The following CEP97 variants were observed in gnomAD, a reference collection of about 807,000 sequenced individuals.
CEP97 encodes the protein centrosomal protein of 97 kDa.
Under a neutral mutation model 73.1 loss-of-function variants are expected in CEP97, and 43 were observed. The ratio of observed to expected loss-of-function variants is 0.59; its 90% CI spans 0.46 to 0.76. CEP97 has a LOEUF of 0.76. Ranked by LOEUF, CEP97 falls within the 30% of genes least tolerant of loss-of-function variation. The probability of loss-of-function intolerance (pLI) is 0.00; values close to 1 mark genes in which losing one functional copy is unlikely to be tolerated. For synonymous variants in CEP97, 337 were observed against 370.0 expected, an observed-to-expected ratio of 0.91 and a Z score of 1.02; for missense variants, 939 against 1,014.0, an observed-to-expected ratio of 0.93 and a Z score of 1.00.
At chr3:101,742,144 G>A (rs1013867106) in intron 6 of CEP97, among the ~76,000 whole-genome samples, 1 of 152,112 alleles carries the variant, frequency 6.6e-6, no homozygotes, top group Admixed American at 6.6e-5. Flanking sequence ...GTTGGTGGGA[G>A]TGTAAGTTCA....
At chr3:101,745,618 T>A (rs1158417117) in intron 6 of CEP97, among the ~76,000 whole-genome samples, 2 of 151,934 alleles carry the variant, frequency 1.3e-5, no homozygotes, top group African/African-American at 4.8e-5. Context: ...AAAGTTAGAA[T>A]AACATAATGA....
rs1056574036 is a variant in CEP97 at position 101,766,860 on chromosome 3, C to T, written c.*1309C>T. 1 of 152,164 alleles carries T rather than the reference C, an allele frequency of 6.6e-6. No homozygotes were observed. Among genetic ancestry groups the T allele is most frequent in the South Asian group, 2.1e-4 (1 of 4,828 alleles). The allele number at this position is 152,164 out of a possible 1,614,324, so 9.4% of individuals were successfully genotyped here. ...TTATTCTGTTGTAGTCATTAGGTGCCCTTCTCTGAAGTTATGTAAAATAAA... is the reference window on the plus strand; with the variant it reads ...TTATTCTGTTGTAGTCATTAGGTGCTCTTCTCTGAAGTTATGTAAAATAAA... On this transcript the variant is annotated 3_prime_UTR_variant, in exon 11 of 11. Transcript: ENST00000341893.
At chr3:101,727,318 C>T in intron 2 of CEP97, 65 bp from the exon 3 acceptor site, 1 of 1,357,628 alleles carries the variant, frequency 7.4e-7, no homozygotes, top group Non-Finnish European at 1.0e-6. Flanking sequence ...CCTTTTAAAT[C>T]ACTTTAATGT....
Position 101,765,168 on chromosome 3 carries a change from ACAGT to A in CEP97, c.2219_2222del (p.Val740AspfsTer8), listed in dbSNP as rs780081370. The stretch of plus-strand genomic sequence containing the variant: ...CTCCATAATGGGGAATTCCATTGAC[ACAGT>A]CAGATATGGCAAAGAATCAGATTTA... On this transcript the variant is annotated frameshift_variant, in exon 11 of 11. Coordinates refer to ENST00000341893, the MANE Select transcript of CEP97 (RefSeq NM_024548.4). LOFTEE classifies it low-confidence loss of function (END_TRUNC). 8 of 1,614,126 alleles carry A rather than the reference ACAGT, an allele frequency of 5.0e-6. No homozygotes were observed. The highest frequency in any genetic ancestry group is 6.8e-6 in the Non-Finnish European group (8 of 1,180,048).
Position 101,758,001 on chromosome 3 carries a change from A to G in CEP97, c.1395A>G (p.Gln465=), listed in dbSNP as rs200288843. The change falls in exon 9 of 11, where the codon CAA becomes CAG. Residue 465 remains glutamine, a synonymous_variant. Transcript: ENST00000341893. ...GGGCTGCAAATGAGAATTCTGTTCAAATGATGAGAAGTGAAATCAATACAG... is the reference window on the plus strand; with the variant it reads ...GGGCTGCAAATGAGAATTCTGTTCAGATGATGAGAAGTGAAATCAATACAG... ...PLWAANENSV[Q]MMRSEINTEV... 2.5e-6 allele frequency: 4 copies of G among 1,614,124 alleles called. No homozygotes were observed. Among genetic ancestry groups the G allele is most frequent in the Non-Finnish European group, 3.4e-6 (4 of 1,180,044 alleles).
At position 101,732,543 on chromosome 3, in the gene CEP97, C is replaced by T. The variant is rs1938145859; in HGVS notation, c.617C>T (p.Pro206Leu). 1 of 1,613,682 alleles carries T rather than the reference C, an allele frequency of 6.2e-7. No homozygotes were observed. The highest frequency in any genetic ancestry group is 8.5e-7 in the Non-Finnish European group (1 of 1,179,632). Reference protein sequence around the residue: ...ELEQLSIMNNPCVMATPSIPG... With the variant: ...ELEQLSIMNNLCVMATPSIPG... ...GAACAGTTGTCGATTATGAACAATC[C>T]TTGTGTGATGGCAACACCATCCATC... Residue 206 changes from proline (P) to leucine (L), a missense_variant, in exon 6 of 11, where the codon CCT becomes CTT. By Grantham distance (98) the Pro-to-Leu change is moderately conservative. Coordinates refer to ENST00000341893, the MANE Select transcript of CEP97 (RefSeq NM_024548.4).
chr3:101,732,653 A>G lies in CEP97; in HGVS notation c.727A>G (p.Ser243Gly). The G allele has an allele frequency of 6.2e-7, 1 of 1,603,166 alleles. No individual in the cohort carries two copies. Among genetic ancestry groups the G allele is most frequent in the Non-Finnish European group, 8.5e-7 (1 of 1,172,038 alleles). Residue 243 changes from serine (S) to glycine (G), a missense_variant and splice_region_variant, in exon 6 of 11, where the codon AGT (serine) becomes GGT (glycine). By Grantham distance (56) the Ser-to-Gly change is moderately conservative. Coordinates refer to ENST00000341893, the MANE Select transcript of CEP97 (RefSeq NM_024548.4). ...TGGATATGTGATTTCTCAGAAGGAAAGGTAAACATGTGCTCTTTAACATCA... is the reference window on the plus strand; with the variant it reads ...TGGATATGTGATTTCTCAGAAGGAAGGGTAAACATGTGCTCTTTAACATCA... ...LDGYVISQKESLKAEWLYSQG... is the reference protein window; with the variant it reads ...LDGYVISQKEGLKAEWLYSQG...
chr3:101,746,450 G>A (rs1345540984), intron 6 of CEP97, among the ~76,000 whole-genome samples: 1 of 150,780 alleles, frequency 6.6e-6, no homozygotes, highest in South Asian at 2.1e-4. Flanking sequence ...TTTAATAAAT[G>A]GTGCTGGGAA....
intron 8 of CEP97, 122 bp from the exon 9 acceptor site, chr3:101,757,512 A>G (rs1939043199): frequency 1.1e-6 from 1 of 879,916 alleles, no homozygotes; most frequent in East Asian, 2.6e-5. Context: ...GGCATATTGG[A>G]AGAAGTCACT....
At position 101,767,407 on chromosome 3, in the gene CEP97, T is replaced by A. The variant is rs1939346894; in HGVS notation, c.*1856T>A. The A allele has an allele frequency of 6.6e-6, 1 of 152,230 alleles. No homozygotes were observed. The highest frequency in any genetic ancestry group is 2.4e-5 in the African/African-American group (1 of 41,458). The allele number at this position is 152,230 out of a possible 1,614,324, so 9.4% of individuals were successfully genotyped here. On this transcript the variant is annotated 3_prime_UTR_variant, in exon 11 of 11. Coordinates refer to ENST00000341893, the MANE Select transcript of CEP97 (RefSeq NM_024548.4). ...TTCTTAAATATACCCTATTTTTCTA[T>A]TTTAAAGTTAAGTGCCTCACTTGCT... is the stretch of plus-strand genomic sequence containing the variant.
chr3:101,728,752 CTCTT>C (rs1399246547), intron 3 of CEP97, 80 bp from the exon 4 acceptor site: 6 of 859,032 alleles, frequency 7.0e-6, no homozygotes, highest in Non-Finnish European at 1.2e-5. Flanking sequence ...AGGGAAGACA[CTCTT>C]TCAGCTGCAA....
In CEP97 at chr3:101,724,643, G is replaced by T; in HGVS notation, c.-34G>T. Reference sequence around the variant, plus strand: ...TACAAGCTCCACAGAGCCGCGGGAGGACGGTTGCCTGGTATTATTAGCAAG... The same window carrying T: ...TACAAGCTCCACAGAGCCGCGGGAGTACGGTTGCCTGGTATTATTAGCAAG... On this transcript the variant is annotated 5_prime_UTR_variant, in exon 1 of 11. Coordinates refer to ENST00000341893, the MANE Select transcript of CEP97 (RefSeq NM_024548.4). 1 of 1,613,934 alleles carries T rather than the reference G, an allele frequency of 6.2e-7. No homozygotes were observed. Among genetic ancestry groups the T allele is most frequent in the Non-Finnish European group, 8.5e-7 (1 of 1,179,840 alleles).
intron 9 of CEP97, among the ~76,000 whole-genome samples, chr3:101,760,101 T>A (rs1312521243): frequency 1.4e-5 from 2 of 148,040 alleles, no homozygotes; most frequent in African/African-American, 2.5e-5. Context: ...AAATGTAGTG[T>A]CGAAGTAGAG....
At chr3:101,756,287 A>G (rs917595525) in intron 7 of CEP97, among the ~76,000 whole-genome samples, 1 of 151,702 alleles carries the variant, frequency 6.6e-6, no homozygotes, top group African/African-American at 2.4e-5. Flanking sequence ...TTGAACTCCT[A>G]ACCTCAGGTG....
intron 4 of CEP97, among the ~76,000 whole-genome samples, chr3:101,730,656 A>T (rs1438306593): frequency 2.6e-5 from 4 of 151,302 alleles, no homozygotes; most frequent in Non-Finnish European, 5.9e-5. Flanking sequence ...AATTTCACTT[A>T]GAAAAAAACA....
chr3:101,743,450 C>T (rs1228068079), intron 6 of CEP97, among the ~76,000 whole-genome samples: 3 of 151,886 alleles, frequency 2.0e-5, no homozygotes, highest in Non-Finnish European at 4.4e-5. Flanking sequence ...GGCTAGAGTG[C>T]AGTGGCATGA....
At chr3:101,737,991 T>G (rs1938332502) in intron 6 of CEP97, among the ~76,000 whole-genome samples, 1 of 131,704 alleles carries the variant, frequency 7.6e-6, no homozygotes, top group South Asian at 2.4e-4. Context: ...TGGAGGAATA[T>G]TTACCAAACA....
At chr3:101,730,231 T>TTG (rs1553787367) in intron 4 of CEP97, among the ~76,000 whole-genome samples, 21 of 144,888 alleles carry the variant, frequency 1.4e-4, no homozygotes, top group Admixed American at 3.5e-4. Context: ...CGAGTCTGTT[T>TTG]TTTTGTTTTG....
Position 101,764,905 on chromosome 3 carries a change from C to T in CEP97, c.1952C>T (p.Thr651Ile), listed in dbSNP as rs1321993555. ...GACCAGCGTCTAAGTTCCTGGCATACTGATGTTCCTCCTATATCAAGTACT... is the reference window on the plus strand; with the variant it reads ...GACCAGCGTCTAAGTTCCTGGCATATTGATGTTCCTCCTATATCAAGTACT... ...TVDQRLSSWH[T>I]DVPPISSTLV... The change falls in exon 11 of 11, where the codon ACT becomes ATT. Residue 651 changes from threonine (T) to isoleucine (I), a missense_variant. Physicochemically the swap from Thr to Ile is moderately conservative, Grantham distance 89. Transcript: ENST00000341893. 1.2e-6 allele frequency: 2 copies of T among 1,614,090 alleles called. No individual in the cohort carries two copies. The highest frequency in any genetic ancestry group is 1.7e-5 in the Admixed American group (1 of 60,002).
Sources: gnomAD v4.1 joint callset for allele counts (sites outside exome capture counted in the v4.1 genomes callset) on GRCh38, gnomAD v4.1.1 for gene constraint, MANE v1.5 for transcripts, NCBI Gene and HGNC (gene_info 2026-07-23, HGNC 2026-07-21) for gene names.